The following ANXA8 variants were observed in gnomAD, a reference collection of about 807,000 sequenced individuals.
ANXA8 encodes VAC-beta.
A neutral mutation model predicts 26.8 loss-of-function variants in ANXA8; 9 were observed. The observed-to-expected ratio is 0.34, with a 90% confidence interval of 0.20 to 0.59. ANXA8 has a LOEUF of 0.59. Among genes scored for constraint, ANXA8 ranks in the 20% least tolerant of loss-of-function variants. ANXA8 has a pLI of 0.84. For synonymous variants in ANXA8, 39 were observed against 94.8 expected (o/e 0.41, Z 3.42); for missense variants, 83 against 238.5 (o/e 0.35, Z 4.29).
At chr10:47,665,185 G>C in the ANXA8 span, among the ~76,000 whole-genome samples, 1 of 148,402 alleles carries the variant, frequency 6.7e-6, no homozygotes, top group Non-Finnish European at 1.5e-5. Context: ...AAAAAACCCA[G>C]GTAAAATGTT....
the ANXA8 span, among the ~76,000 whole-genome samples, chr10:47,899,012 T>C: frequency 2.7e-5 from 4 of 150,646 alleles, no homozygotes; most frequent in Non-Finnish European, 5.9e-5. Flanking sequence ...TTTTGTATTT[T>C]TTTTTAGTAT....
At chr10:47,704,673 G>A in the ANXA8 span, among the ~76,000 whole-genome samples, 2 of 151,808 alleles carry the variant, frequency 1.3e-5, no homozygotes, top group Non-Finnish European at 2.9e-5. Flanking sequence ...GAAATAATGT[G>A]AAAATTTAGC....
the ANXA8 span, chr10:47,986,946 G>C: frequency 2.0e-6 from 1 of 511,944 alleles, no homozygotes; most frequent in Admixed American, 2.3e-5. Flanking sequence ...CTGGTCACGA[G>C]GGGGGACGCG....
the ANXA8 span, among the ~76,000 whole-genome samples, chr10:47,677,330 T>C: frequency 7.2e-5 from 11 of 152,106 alleles, no homozygotes; most frequent in African/African-American, 2.2e-4. Flanking sequence ...TACCATAAAG[T>C]CAGTACATCT....
the ANXA8 span, chr10:47,581,660 G>A: frequency 3.5e-5 from 13 of 371,846 alleles, no homozygotes; most frequent in African/African-American, 2.8e-4. Flanking sequence ...AGGCTGGAGT[G>A]CAGTGGCACG....
At chr10:47,672,271 C>T in the ANXA8 span, among the ~76,000 whole-genome samples, 3 of 150,480 alleles carry the variant, frequency 2.0e-5, no homozygotes, top group African/African-American at 4.9e-5. Context: ...GTAATTCCTG[C>T]TTAGAACCTG....
chr10:47,516,823 G>A, the ANXA8 span, among the ~76,000 whole-genome samples: 1 of 129,590 alleles, frequency 7.7e-6, no homozygotes, highest in Admixed American at 7.6e-5. Flanking sequence ...ATAGGCAAAT[G>A]AATATAGTCA....
At chr10:47,579,094 C>T in the ANXA8 span, among the ~76,000 whole-genome samples, 4 of 146,640 alleles carry the variant, frequency 2.7e-5, no homozygotes, top group Non-Finnish European at 4.5e-5. Flanking sequence ...CCACCCGCCT[C>T]GGCCTCCCAA....
At chr10:47,976,377 G>T in the ANXA8 span, among the ~76,000 whole-genome samples, 1 of 151,342 alleles carries the variant, frequency 6.6e-6, no homozygotes, top group Non-Finnish European at 1.5e-5. Context: ...TGCCTTATTC[G>T]TAGTCTTCTT....
the ANXA8 span, among the ~76,000 whole-genome samples, chr10:47,586,545 G>A: frequency 1.9e-4 from 28 of 145,278 alleles, no homozygotes; most frequent in Non-Finnish European, 3.5e-4. Context: ...AGGCTTATCC[G>A]CATCAAAGTG....
At chr10:47,672,970 T>A in the ANXA8 span, among the ~76,000 whole-genome samples, 1 of 150,976 alleles carries the variant, frequency 6.6e-6, no homozygotes, top group Non-Finnish European at 1.5e-5. Flanking sequence ...ACTTTCATAG[T>A]GGAGAAGAAA....
the ANXA8 span, among the ~76,000 whole-genome samples, chr10:47,958,315 C>T: frequency 1.1e-4 from 16 of 148,590 alleles, 1 homozygote; most frequent in African/African-American, 2.8e-4. Context: ...CCCGTCTCCA[C>T]TAAAAATACA....
At chr10:47,552,264 A>C in the ANXA8 span, among the ~76,000 whole-genome samples, 1 of 151,704 alleles carries the variant, frequency 6.6e-6, no homozygotes, top group South Asian at 2.1e-4. Flanking sequence ...TCAGCCATTT[A>C]GCCATTAGCC....
chr10:47,702,006 G>C, the ANXA8 span, among the ~76,000 whole-genome samples: 39 of 149,348 alleles, frequency 2.6e-4, no homozygotes, highest in Non-Finnish European at 3.7e-4. Flanking sequence ...TTCTCAAAGG[G>C]GAATGGCTTA....
At chr10:47,485,537 G>A (rs1170142902), upstream of ANXA8, among the ~76,000 whole-genome samples, 5 of 152,104 alleles carry the variant, frequency 3.3e-5, no homozygotes, top group Non-Finnish European at 5.9e-5. Context: ...TTCTAGATGA[G>A]ATCCAGAAGT....
chr10:47,909,008 TACACAC>T, the ANXA8 span, among the ~76,000 whole-genome samples: 42 of 73,156 alleles, frequency 5.7e-4, 11 homozygotes, highest in African/African-American at 9.5e-4. Context: ...GTGATGTATG[TACACAC>T]ACACACACAC....
chr10:47,948,472 A>G, the ANXA8 span, among the ~76,000 whole-genome samples: 1 of 135,326 alleles, frequency 7.4e-6, no homozygotes, highest in Non-Finnish European at 1.6e-5. Context: ...TAAATAAAAA[A>G]ATTTCTTTAT....
At chr10:47,723,601 C>T in the ANXA8 span, among the ~76,000 whole-genome samples, 2 of 136,424 alleles carry the variant, frequency 1.5e-5, 1 homozygote, top group East Asian at 6.0e-4. Flanking sequence ...GTCTCTCAGG[C>T]CCTTCTTTCT....
At chr10:47,680,781 G>C in the ANXA8 span, among the ~76,000 whole-genome samples, 3 of 151,378 alleles carry the variant, frequency 2.0e-5, no homozygotes, top group South Asian at 6.2e-4. Flanking sequence ...TTAAAAACCA[G>C]TTATTTACCC....
Sources: gnomAD v4.1 joint callset for allele counts (sites outside exome capture counted in the v4.1 genomes callset) on GRCh38, gnomAD v4.1.1 for gene constraint, MANE v1.5 for transcripts, NCBI Gene and HGNC (gene_info 2026-07-23, HGNC 2026-07-21) for gene names.